Variants in RSRC1 observed in about 807,000 individuals in gnomAD.
RSRC1 encodes the protein serine/Arginine-related protein 53.
In RSRC1, 39 loss-of-function variants were observed where a neutral mutation model predicts 49.1. The ratio of observed to expected loss-of-function variants is 0.79; its 90% CI spans 0.61 to 1.04. RSRC1 has a LOEUF of 1.04. RSRC1 is among the 50% of genes least tolerant of loss of function. The pLI is 0.00. For missense variants in RSRC1, 388 were observed against 402.4 expected (o/e 0.96, Z 0.31); for synonymous variants, 143 against 130.8 (o/e 1.09, Z -0.63).
intron 6 of RSRC1, among the ~76,000 whole-genome samples, chr3:158,443,081 A>G (rs944308565): frequency 1.3e-5 from 2 of 152,120 alleles, no homozygotes; most frequent in African/African-American, 2.4e-5. Flanking sequence ...TGTTCCATTT[A>G]TAGAGCACAG....
At chr3:158,141,525 G>A (rs1241380434) in intron 3 of RSRC1, among the ~76,000 whole-genome samples, 1 of 152,192 alleles carries the variant, frequency 6.6e-6, no homozygotes, top group Non-Finnish European at 1.5e-5. Context: ...CTATGCAAGT[G>A]TAAATATCTA....
chr3:158,206,407 G>A (rs1721345770), intron 4 of RSRC1, among the ~76,000 whole-genome samples: 1 of 152,152 alleles, frequency 6.6e-6, no homozygotes, highest in Non-Finnish European at 1.5e-5. Context: ...GAGGCATCAG[G>A]ATGTGTGTGG....
At chr3:158,275,616 A>T (rs1207651783) in intron 4 of RSRC1, among the ~76,000 whole-genome samples, 3 of 152,226 alleles carry the variant, frequency 2.0e-5, no homozygotes, top group East Asian at 1.9e-4. Context: ...AAGCAAAGAC[A>T]AAAAAGTTTA....
At chr3:158,224,836 G>A (rs998742070) in intron 4 of RSRC1, among the ~76,000 whole-genome samples, 2 of 151,728 alleles carry the variant, frequency 1.3e-5, no homozygotes, top group Admixed American at 6.6e-5. Flanking sequence ...CTGTATAGCA[G>A]GTGATAAATT....
At chr3:158,245,852 T>C (rs1224809981) in intron 4 of RSRC1, among the ~76,000 whole-genome samples, 2 of 152,212 alleles carry the variant, frequency 1.3e-5, no homozygotes, top group Non-Finnish European at 2.9e-5. Context: ...TTAAAGTTTG[T>C]TTTGTCAGAA....
chr3:158,226,900 A>C (rs543629400), intron 4 of RSRC1, among the ~76,000 whole-genome samples: 1 of 152,052 alleles, frequency 6.6e-6, no homozygotes, highest in South Asian at 2.1e-4. Flanking sequence ...ATTTTGTGTA[A>C]AGGGAACTTA....
At chr3:158,283,856 C>T (rs1450074509) in intron 4 of RSRC1, among the ~76,000 whole-genome samples, 1 of 146,466 alleles carries the variant, frequency 6.8e-6, no homozygotes, top group Non-Finnish European at 1.5e-5. Context: ...CCTTTGCCAA[C>T]AATGGAAACG....
chr3:158,328,089 A>T (rs1260306122), intron 5 of RSRC1, among the ~76,000 whole-genome samples: 1 of 152,014 alleles, frequency 6.6e-6, no homozygotes, highest in Non-Finnish European at 1.5e-5. Context: ...TGCTTGGTAG[A>T]TCTTCCTTCA....
In RSRC1 at chr3:158,488,444, G is replaced by T. The variant is rs529242484; in HGVS notation, c.652+27441G>T. ...TACTGTTTTATCATTTAATTTCTCT[G>T]TTGTGACCTGCCATCCATGTTCAGC... On this transcript the variant is annotated intron_variant, in intron 7 of 9. Coordinates refer to ENST00000611884, the MANE Select transcript of RSRC1 (RefSeq NM_001271838.2). Among the ~76,000 whole-genome samples, 267 of 152,036 alleles carry T rather than the reference G, an allele frequency of 1.8e-3. 2 individuals are homozygous for T. Among genetic ancestry groups the T allele is most frequent in the Non-Finnish European group, 3.8e-4 (26 of 67,986 alleles).
intron 6 of RSRC1, among the ~76,000 whole-genome samples, chr3:158,399,953 A>G (rs1733817217): frequency 6.6e-6 from 1 of 152,194 alleles, no homozygotes; most frequent in South Asian, 2.1e-4. Context: ...AGTAAGAAAG[A>G]ACAGTGAAAA....
rs549801822 is a variant in RSRC1, at chr3:158,524,027, G to T, written c.653-13065G>T. Among the ~76,000 whole-genome samples, 10 of 152,102 alleles carry T rather than the reference G, an allele frequency of 6.6e-5. No individual in the cohort carries two copies. In the East Asian group the frequency reaches 1.7e-3, roughly 27 times the overall value. ...GTTGCCATTGCTTTGATTGTGCTTT[G>T]TCTTCAGCATCATACTGGCAAAGCC... On this transcript the variant is annotated intron_variant, in intron 7 of 9. Coordinates refer to ENST00000611884, the MANE Select transcript of RSRC1 (RefSeq NM_001271838.2).
chr3:158,447,522 G>A (rs962759715), intron 6 of RSRC1, among the ~76,000 whole-genome samples: 5 of 151,868 alleles, frequency 3.3e-5, no homozygotes, highest in African/African-American at 9.7e-5. Context: ...TTTTTAAAAA[G>A]CCATGATAGT....
intron 7 of RSRC1, among the ~76,000 whole-genome samples, chr3:158,492,894 T>G (rs1739147776): frequency 6.6e-6 from 1 of 152,034 alleles, no homozygotes; most frequent in Admixed American, 6.5e-5. Flanking sequence ...CCAGAAGAAA[T>G]GTAGTGAAGA....
At chr3:158,214,064 C>T (rs924825307) in intron 4 of RSRC1, among the ~76,000 whole-genome samples, 13 of 133,824 alleles carry the variant, frequency 9.7e-5, no homozygotes, top group African/African-American at 3.6e-4. Flanking sequence ...ACAAAAAGTA[C>T]AGTATAACTA....
At chr3:158,530,460 ATAT>A (rs1712318591) in intron 7 of RSRC1, among the ~76,000 whole-genome samples, 1 of 151,606 alleles carries the variant, frequency 6.6e-6, no homozygotes, top group Non-Finnish European at 1.5e-5. Context: ...ATTTTCCTTG[ATAT>A]TATATTATTT....
intron 6 of RSRC1, among the ~76,000 whole-genome samples, chr3:158,441,887 G>A (rs1736397131): frequency 6.6e-6 from 1 of 152,024 alleles, no homozygotes. Context: ...GAATATACAG[G>A]CATACTTCAG....
chr3:158,364,649 G>A (rs924714149), intron 6 of RSRC1, among the ~76,000 whole-genome samples: 7 of 151,954 alleles, frequency 4.6e-5, no homozygotes, highest in Admixed American at 2.0e-4. Context: ...TACATAGTAA[G>A]TATTCAGTTA....
chr3:158,153,097 T>C (rs1717649229), intron 3 of RSRC1, among the ~76,000 whole-genome samples: 1 of 152,212 alleles, frequency 6.6e-6, no homozygotes, highest in African/African-American at 2.4e-5. Flanking sequence ...CAACCCTTTC[T>C]GTCCTTTTTA....
intron 6 of RSRC1, among the ~76,000 whole-genome samples, chr3:158,406,645 A>T (rs1205106388): frequency 1.3e-5 from 2 of 152,070 alleles, no homozygotes; most frequent in Non-Finnish European, 2.9e-5. Context: ...AATTAGAGTA[A>T]TCAGAAACCA....
Sources: allele counts gnomAD v4.1 joint callset (sites outside exome capture counted in the v4.1 genomes callset), GRCh38; gene constraint gnomAD v4.1.1; transcripts MANE v1.5; gene names NCBI Gene and HGNC (gene_info 2026-07-23, HGNC 2026-07-21).